Variants in SCHIP1 observed in about 807,000 individuals in gnomAD.
SCHIP1 encodes schwannomin interacting protein 1.
In SCHIP1, 8 loss-of-function variants were observed where a neutral mutation model predicts 29.7. The observed-to-expected ratio is 0.27, with a 90% confidence interval of 0.16 to 0.49. The LOEUF is 0.49. SCHIP1 is among the 20% of genes least tolerant of loss of function. SCHIP1 has a pLI of 0.99. For missense variants in SCHIP1, 193 were observed against 294.6 expected (o/e 0.66, Z 2.52); for synonymous variants, 76 against 94.9 (o/e 0.80, Z 1.16).
the SCHIP1 span, among the ~76,000 whole-genome samples, chr3:159,424,978 G>T: frequency 6.6e-6 from 1 of 151,924 alleles, no homozygotes; most frequent in Non-Finnish European, 1.5e-5. Context: ...ATACTTTACA[G>T]ACAAGCAAAT....
chr3:159,633,655 G>A, the SCHIP1 span, among the ~76,000 whole-genome samples: 6 of 152,200 alleles, frequency 3.9e-5, no homozygotes, highest in African/African-American at 7.2e-5. Context: ...TCTACCAGAC[G>A]TATCAAAACT....
At chr3:159,413,414 C>T in the SCHIP1 span, among the ~76,000 whole-genome samples, 1 of 152,056 alleles carries the variant, frequency 6.6e-6, no homozygotes, top group Non-Finnish European at 1.5e-5. Flanking sequence ...AACCTTTGTA[C>T]TCCAATATTC....
chr3:159,462,035 C>A, the SCHIP1 span, among the ~76,000 whole-genome samples: 1 of 151,886 alleles, frequency 6.6e-6, no homozygotes, highest in African/African-American at 2.4e-5. Flanking sequence ...CATGGTGAAA[C>A]CCCATCTCTA....
chr3:159,332,874 G>C, the SCHIP1 span, among the ~76,000 whole-genome samples: 1 of 152,192 alleles, frequency 6.6e-6, no homozygotes, highest in African/African-American at 2.4e-5. Flanking sequence ...CAGTTAAGTA[G>C]ATATGTTTCT....
chr3:159,591,512 G>A, the SCHIP1 span, among the ~76,000 whole-genome samples: 2 of 152,104 alleles, frequency 1.3e-5, no homozygotes, highest in African/African-American at 4.8e-5. Context: ...AGACATGGAA[G>A]CAACCCAAAT....
chr3:159,386,791 G>T, the SCHIP1 span: 3 of 152,398 alleles, frequency 2.0e-5, no homozygotes, highest in Admixed American at 1.3e-4. Context: ...TGGGTCCTGT[G>T]TGTGGAAACT....
At chr3:159,889,306 G>A (rs931992916) in intron 5 of SCHIP1, among the ~76,000 whole-genome samples, 16 of 152,258 alleles carry the variant, frequency 1.1e-4, no homozygotes, top group African/African-American at 2.6e-4. Flanking sequence ...CACATTCATC[G>A]TAGGTATCAT....
At chr3:159,828,476 CACAT>C in the SCHIP1 span, among the ~76,000 whole-genome samples, 3,471 of 108,926 alleles carry the variant, frequency 0.032, 124 homozygotes, top group Middle Eastern at 0.095. Flanking sequence ...TATATACACA[CACAT>C]ACACATACAT....
At chr3:159,889,021 T>C in intron 5 of SCHIP1, 78 bp downstream of exon 6, 2 of 1,503,320 alleles carry the variant, frequency 1.3e-6, no homozygotes, top group Non-Finnish European at 1.8e-6. Flanking sequence ...TGGTCCAACT[T>C]TTTCATACAA....
chr3:159,274,158 A>G, the SCHIP1 span: 3 of 985,348 alleles, frequency 3.0e-6, no homozygotes, highest in Non-Finnish European at 3.6e-6. Flanking sequence ...AACTAATTGC[A>G]TTGCAGTGGA....
chr3:159,671,328 T>C, the SCHIP1 span, among the ~76,000 whole-genome samples: 1 of 152,162 alleles, frequency 6.6e-6, no homozygotes. Context: ...ATCTGGGTGA[T>C]ATAGTCCCCA....
chr3:159,578,450 T>A, the SCHIP1 span, among the ~76,000 whole-genome samples: 2 of 152,232 alleles, frequency 1.3e-5, no homozygotes, highest in Non-Finnish European at 2.9e-5. Context: ...TTAATGTGAC[T>A]AATAGAAAAC....
the SCHIP1 span, among the ~76,000 whole-genome samples, chr3:159,439,941 A>G: frequency 6.6e-6 from 1 of 152,074 alleles, no homozygotes; most frequent in Non-Finnish European, 1.5e-5. Context: ...TTTTGTTGCA[A>G]TTGCTTTTGG....
chr3:159,672,631 A>C, the SCHIP1 span, among the ~76,000 whole-genome samples: 2 of 152,182 alleles, frequency 1.3e-5, no homozygotes, highest in Non-Finnish European at 2.9e-5. Flanking sequence ...CAGGGATTCT[A>C]AACATCCTAC....
chr3:159,302,326 A>T, the SCHIP1 span, among the ~76,000 whole-genome samples: 5 of 137,242 alleles, frequency 3.6e-5, no homozygotes, highest in Admixed American at 6.8e-5. Context: ...TCATATTGCA[A>T]TAAGTTTATT....
chr3:159,605,035 A>G, the SCHIP1 span, among the ~76,000 whole-genome samples: 10 of 152,236 alleles, frequency 6.6e-5, no homozygotes, highest in Non-Finnish European at 1.2e-4. Context: ...CCAGAGAAAA[A>G]TAATCAAGGG....
chr3:159,476,038 T>G, the SCHIP1 span, among the ~76,000 whole-genome samples: 1 of 152,228 alleles, frequency 6.6e-6, no homozygotes, highest in Non-Finnish European at 1.5e-5. Flanking sequence ...TTGGGCCTGG[T>G]TAGGATGTAG....
At chr3:159,552,068 T>TCA in the SCHIP1 span, among the ~76,000 whole-genome samples, 2 of 135,014 alleles carry the variant, frequency 1.5e-5, no homozygotes, top group African/African-American at 5.7e-5. Context: ...AAACAGAGTC[T>TCA]CACTCTGTTG....
At chr3:159,458,824 T>C in the SCHIP1 span, among the ~76,000 whole-genome samples, 1 of 152,176 alleles carries the variant, frequency 6.6e-6, no homozygotes, top group Non-Finnish European at 1.5e-5. Flanking sequence ...CTAAAAGTAT[T>C]CTTTTATCTG....
Sources: gnomAD v4.1 joint callset for allele counts (sites outside exome capture counted in the v4.1 genomes callset) on GRCh38, gnomAD v4.1.1 for gene constraint, MANE v1.5 for transcripts, NCBI Gene and HGNC (gene_info 2026-07-23, HGNC 2026-07-21) for gene names.